The following LOC400499 variants were observed in gnomAD, a reference collection of about 807,000 sequenced individuals.
At chr16:11,424,347 G>T in the LOC400499 span, 8 of 399,744 alleles carry the variant, frequency 2.0e-5, no homozygotes, top group South Asian at 6.4e-4. Flanking sequence ...GGGGAGTCCT[G>T]GGGGAAGAGG....
chr16:11,510,033 C>T, the LOC400499 span, among the ~76,000 whole-genome samples: 1 of 98,616 alleles, frequency 1.0e-5, no homozygotes, highest in Non-Finnish European at 2.3e-5. Context: ...ATCTTAATCT[C>T]TCTCATGCAT....
chr16:11,391,964 G>T, the LOC400499 span: 1 of 521,570 alleles, frequency 1.9e-6, no homozygotes, highest in South Asian at 9.4e-5. Context: ...GTCAGAGGGG[G>T]ACCTCTCCAA....
the LOC400499 span, chr16:11,446,864 T>C: frequency 6.5e-7 from 1 of 1,535,946 alleles, no homozygotes; most frequent in Non-Finnish European, 8.7e-7. Flanking sequence ...GCTGTGAAGG[T>C]CTCCTGCAGG....
chr16:11,520,509 T>C, the LOC400499 span, among the ~76,000 whole-genome samples: 27 of 152,116 alleles, frequency 1.8e-4, no homozygotes, highest in African/African-American at 6.3e-4. Flanking sequence ...GTACAAAAAT[T>C]AGCCAGGCGT....
chr16:11,495,891 AG>A, the LOC400499 span, among the ~76,000 whole-genome samples: 5 of 152,296 alleles, frequency 3.3e-5, no homozygotes, highest in South Asian at 4.1e-4. Flanking sequence ...GCTGGCTCCC[AG>A]GCCAGGCATG....
chr16:11,480,019 T>A, the LOC400499 span, among the ~76,000 whole-genome samples: 1 of 152,104 alleles, frequency 6.6e-6, no homozygotes, highest in Non-Finnish European at 1.5e-5. Context: ...AAGAGAAACA[T>A]TGGGCTGCCC....
the LOC400499 span, chr16:11,385,134 C>G: frequency 8.1e-7 from 1 of 1,230,888 alleles, no homozygotes; most frequent in Non-Finnish European, 1.0e-6. Flanking sequence ...AAGTGCCATC[C>G]CCCCAGGCGA....
the LOC400499 span, among the ~76,000 whole-genome samples, chr16:11,388,876 C>A: frequency 5.3e-5 from 8 of 152,154 alleles, no homozygotes; most frequent in Non-Finnish European, 8.8e-5. Flanking sequence ...TGCTTGAGCT[C>A]AGGAGTCTGA....
At chr16:11,487,371 C>A in the LOC400499 span, 2 of 399,140 alleles carry the variant, frequency 5.0e-6, no homozygotes, top group African/African-American at 4.1e-5. Context: ...CAGGTTGGCT[C>A]CCAGGCTGCC....
the LOC400499 span, chr16:11,508,802 A>G: frequency 6.8e-5 from 27 of 399,010 alleles, no homozygotes; most frequent in African/African-American, 5.3e-4. Context: ...GTCTCCTCCC[A>G]CTCATACAGC....
At chr16:11,511,863 C>G in the LOC400499 span, among the ~76,000 whole-genome samples, 1 of 151,452 alleles carries the variant, frequency 6.6e-6, no homozygotes, top group African/African-American at 2.4e-5. Context: ...CCGATTTCTA[C>G]AAAAAATTTA....
the LOC400499 span, among the ~76,000 whole-genome samples, chr16:11,500,248 C>T: frequency 6.6e-6 from 1 of 152,126 alleles, no homozygotes; most frequent in African/African-American, 2.4e-5. Flanking sequence ...TGGCTCACAC[C>T]TGTAATCCCA....
the LOC400499 span, among the ~76,000 whole-genome samples, chr16:11,520,088 G>C: frequency 6.6e-6 from 1 of 152,124 alleles, no homozygotes. Context: ...GAGTCTGCAG[G>C]GTGGGAATTG....
the LOC400499 span, chr16:11,435,865 G>A: frequency 2.5e-5 from 10 of 399,184 alleles, no homozygotes; most frequent in East Asian, 7.1e-5. Context: ...TGTAGCGCCC[G>A]GCAGCTGCCT....
chr16:11,384,626 G>T, the LOC400499 span, among the ~76,000 whole-genome samples: 2 of 152,106 alleles, frequency 1.3e-5, no homozygotes, highest in African/African-American at 4.8e-5. Context: ...GCAGAGGGAC[G>T]ACAGAAGGGC....
At chr16:11,464,438 T>A in the LOC400499 span, among the ~76,000 whole-genome samples, 13 of 152,230 alleles carry the variant, frequency 8.5e-5, no homozygotes, top group African/African-American at 3.1e-4. Flanking sequence ...AGAACACTAG[T>A]TGTAAATGTG....
the LOC400499 span, chr16:11,391,884 A>G: frequency 4.3e-6 from 5 of 1,173,982 alleles, no homozygotes; most frequent in Non-Finnish European, 5.4e-6. Flanking sequence ...ACCGAGGCAG[A>G]ATCAGGGTGA....
chr16:11,525,228 G>C, the LOC400499 span, among the ~76,000 whole-genome samples: 1 of 150,872 alleles, frequency 6.6e-6, no homozygotes, highest in African/African-American at 2.4e-5. Context: ...GCAGTGAGCC[G>C]AGATCGCACC....
the LOC400499 span, among the ~76,000 whole-genome samples, chr16:11,443,916 C>T: frequency 1.3e-5 from 2 of 151,842 alleles, no homozygotes; most frequent in African/African-American, 2.4e-5. Context: ...CTCACCGTAA[C>T]GTCTGCCTCC....
Sources: gnomAD v4.1 joint callset for allele counts (sites outside exome capture counted in the v4.1 genomes callset) on GRCh38, gnomAD v4.1.1 for gene constraint, MANE v1.5 for transcripts.